BPIFC: variants seen among roughly 807,000 people sequenced by gnomAD.
BPIFC encodes the protein BPI fold-containing family C protein.
A neutral mutation model predicts 57.6 loss-of-function variants in BPIFC; 60 were observed. The ratio of observed to expected loss-of-function variants is 1.04; its 90% CI spans 0.85 to 1.29. BPIFC has a LOEUF of 1.29. BPIFC is among the 50% of genes most tolerant of loss of function. BPIFC has a pLI of 0.00. For missense variants in BPIFC, 581 were observed against 600.5 expected (o/e 0.97, Z 0.34); for synonymous variants, 243 against 224.5 (o/e 1.08, Z -0.74).
intron 13 of BPIFC, among the ~76,000 whole-genome samples, chr22:32,429,002 C>G (rs564888589): frequency 6.6e-6 from 1 of 151,804 alleles, no homozygotes; most frequent in Admixed American, 6.6e-5. Context: ...CCTAATACAA[C>G]TCTTCATTTT....
intron 5 of BPIFC, 138 bp downstream of exon 5, chr22:32,447,074 G>C (rs1485779099): frequency 8.0e-7 from 1 of 1,254,830 alleles, no homozygotes; most frequent in African/African-American, 1.5e-5. Context: ...GCCTCACCTG[G>C]AAAAAAATGC....
At chr22:32,450,633 G>A (rs989426009) in intron 4 of BPIFC, among the ~76,000 whole-genome samples, 12 of 151,500 alleles carry the variant, frequency 7.9e-5, no homozygotes, top group African/African-American at 1.5e-4. Flanking sequence ...TCAAAATCTC[G>A]TATGTATCTT....
intron 12 of BPIFC, 125 bp from the exon 13 acceptor site, chr22:32,431,539 C>T (rs1017922957): frequency 3.1e-6 from 2 of 647,548 alleles, no homozygotes; most frequent in Admixed American, 5.7e-5. Context: ...CATTGGAAGT[C>T]TAAAAGACAT....
chr22:32,459,654 C>A, intron 2 of BPIFC, among the ~76,000 whole-genome samples: 1 of 150,918 alleles, frequency 6.6e-6, no homozygotes, highest in East Asian at 1.9e-4. Flanking sequence ...CAGAGTGAGA[C>A]TCCATTTCCA....
chr22:32,418,785 A>G (rs892835920), intron 14 of BPIFC, among the ~76,000 whole-genome samples: 5 of 152,140 alleles, frequency 3.3e-5, no homozygotes, highest in African/African-American at 1.2e-4. Flanking sequence ...AGTGCCATCC[A>G]TGAATGTATG....
At chr22:32,427,675 A>G (rs1201207403) in intron 13 of BPIFC, among the ~76,000 whole-genome samples, 1 of 151,370 alleles carries the variant, frequency 6.6e-6, no homozygotes, top group African/African-American at 2.4e-5. Context: ...TTCCCCCCTC[A>G]CCCTCATGCT....
In BPIFC at chr22:32,414,094, G is replaced by C. The variant is rs1162039388; in HGVS notation, c.*209C>G. The C allele has an allele frequency of 2.3e-6, 1 of 442,774 alleles. No homozygotes were observed. Among genetic ancestry groups the C allele is most frequent in the Non-Finnish European group, 4.0e-6 (1 of 252,498 alleles). 27.4% of individuals were successfully genotyped at this position (442,774 alleles called of 1,614,324 possible). A position where few individuals can be genotyped will look rare whatever the true frequency, so the allele number is the denominator to read the frequency against. On this transcript the variant is annotated 3_prime_UTR_variant, in exon 17 of 17. Coordinates refer to ENST00000300399, the MANE Select transcript of BPIFC (RefSeq NM_174932.3). ...ACATAAACACAGACACACGCAGCAT[G>C]CATACACTCACATTCAGACACCTCT... is the stretch of plus-strand genomic sequence containing the variant.
In BPIFC at chr22:32,433,738, AGG is replaced by A. The variant is rs762429549; in HGVS notation, c.957_958del (p.Leu320TrpfsTer56). On this transcript the variant is annotated frameshift_variant, in exon 11 of 17. Coordinates refer to ENST00000300399, the MANE Select transcript of BPIFC (RefSeq NM_174932.3). LOFTEE classifies it high-confidence loss of function. ...ACTTACCCGGGAGAGCACGTTGCCA[AGG>A]CCTTGAGAGTTTTGAACAAAATGGT... 1.9e-6 allele frequency: 3 copies of A among 1,614,062 alleles called. No individual in the cohort carries two copies. In the Admixed American group the frequency reaches 5.0e-5, roughly 27 times the overall value.
intron 5 of BPIFC, chr22:32,446,916 A>C (rs1434678012): frequency 1.6e-6 from 1 of 624,132 alleles, no homozygotes; most frequent in Non-Finnish European, 2.0e-6. Flanking sequence ...TTTGTGGGTG[A>C]TCGAAAATGT....
At chr22:32,416,739 G>A (rs1451310151) in intron 15 of BPIFC, among the ~76,000 whole-genome samples, 1 of 152,262 alleles carries the variant, frequency 6.6e-6, no homozygotes, top group Non-Finnish European at 1.5e-5. Context: ...TAAGAACCAC[G>A]GAGATATCCC....
Position 32,423,581 on chromosome 22 carries a change from T to TGTGC in BPIFC, c.1218-4178_1218-4177insGCAC, listed in dbSNP as rs1361026789. On this transcript the variant is annotated intron_variant, in intron 13 of 16. Transcript: ENST00000300399. ...TGGGAGGAGTTGTAGGGTGTGGGTGTGTGTGTGTGTGTGTGTGTGTGTGTG... is the reference window on the plus strand; with the variant it reads ...TGGGAGGAGTTGTAGGGTGTGGGTGTGTGCGTGTGTGTGTGTGTGTGTGTGTGTG... Among the ~76,000 whole-genome samples, 3 of 139,658 alleles carry TGTGC rather than the reference T, an allele frequency of 2.1e-5. No individual in the cohort carries two copies. The East Asian group carries it at 5.9e-4, about 27-fold the overall frequency. The allele number at this position is 139,658 out of a possible 152,430, so 91.6% of individuals were successfully genotyped here. A position where few individuals can be genotyped will look rare whatever the true frequency, so the allele number is the denominator to read the frequency against.
At chr22:32,457,517 C>T (rs370869508) in intron 2 of BPIFC, 131 bp from the exon 3 acceptor site, 2 of 984,686 alleles carry the variant, frequency 2.0e-6, no homozygotes, top group African/African-American at 1.7e-5. Context: ...TCCAATCCAT[C>T]CATTCATCCA....
intron 2 of BPIFC, among the ~76,000 whole-genome samples, chr22:32,458,711 G>C (rs1935097276): frequency 6.6e-6 from 1 of 152,140 alleles, no homozygotes; most frequent in Non-Finnish European, 1.5e-5. Context: ...CCAGCACCTG[G>C]GGAAGCCCTT....
chr22:32,436,393 A>ACG, intron 9 of BPIFC, among the ~76,000 whole-genome samples: 1 of 140,286 alleles, frequency 7.1e-6, no homozygotes, highest in African/African-American at 2.8e-5. Flanking sequence ...GAGGAGGAGG[A>ACG]AGAGGAGGAG....
intron 13 of BPIFC, among the ~76,000 whole-genome samples, chr22:32,427,719 A>G (rs1350710338): frequency 6.6e-6 from 1 of 152,016 alleles, no homozygotes; most frequent in Non-Finnish European, 1.5e-5. Context: ...AGAACTGCCA[A>G]ATATCACACC....
chr22:32,451,561 G>A (rs1428253147), intron 4 of BPIFC, among the ~76,000 whole-genome samples: 1 of 152,056 alleles, frequency 6.6e-6, no homozygotes, highest in Non-Finnish European at 1.5e-5. Flanking sequence ...GTTGGGGTAG[G>A]GTGGAGGGAT....
rs374241995 is a variant in BPIFC, at chr22:32,442,664, G to T, written c.655+7C>A. 1.5e-5 allele frequency: 24 copies of T among 1,612,468 alleles called. No individual in the cohort carries two copies. The African/African-American group carries it at 2.0e-4, about 13-fold the overall frequency. On this transcript the variant is annotated splice_region_variant and intron_variant, in intron 8 of 16. Coordinates refer to ENST00000300399, the MANE Select transcript of BPIFC (RefSeq NM_174932.3). The stretch of plus-strand genomic sequence containing the variant: ...AACCATCTGGAAAAGACAGTTCTAA[G>T]ACTCACCCTCCAGTGTGCTGAGGTT...
At chr22:32,454,124 C>T (rs1340060817) in intron 3 of BPIFC, among the ~76,000 whole-genome samples, 2 of 152,134 alleles carry the variant, frequency 1.3e-5, no homozygotes, top group African/African-American at 4.8e-5. Context: ...GAGAAGTTCA[C>T]TGTTGCCCAA....
intron 1 of BPIFC, among the ~76,000 whole-genome samples, chr22:32,463,689 C>T (rs1189212937): frequency 2.0e-5 from 3 of 152,044 alleles, no homozygotes; most frequent in Non-Finnish European, 2.9e-5. Flanking sequence ...AAGGGTATTC[C>T]GACATATTGG....
Sources: gnomAD v4.1 joint callset for allele counts (sites outside exome capture counted in the v4.1 genomes callset) on GRCh38, gnomAD v4.1.1 for gene constraint, MANE v1.5 for transcripts, NCBI Gene and HGNC (gene_info 2026-07-23, HGNC 2026-07-21) for gene names.